The following FAM13A variants were observed in gnomAD, a reference collection of about 807,000 sequenced individuals.
FAM13A encodes the protein family with sequence similarity 13 member A, also known as protein FAM13A.
Under a neutral mutation model 129.6 loss-of-function variants are expected in FAM13A, and 76 were observed. That is an observed-to-expected ratio of 0.59 (90% confidence interval 0.49 to 0.71). The LOEUF (loss-of-function observed/expected upper bound fraction) is 0.71. Ranked by LOEUF, FAM13A falls within the 30% of genes least tolerant of loss-of-function variation. FAM13A has a pLI of 0.00. For synonymous variants in FAM13A, 443 were observed against 449.9 expected (o/e 0.98, Z 0.20); for missense variants, 1,108 against 1,249.3 (o/e 0.89, Z 1.70).
At chr4:89,027,650 T>C (rs1375653832) in intron 2 of FAM13A, among the ~76,000 whole-genome samples, 1 of 152,182 alleles carries the variant, frequency 6.6e-6, no homozygotes, top group Non-Finnish European at 1.5e-5. Context: ...AAGCACTTCA[T>C]GGCTTCTCTT....
chr4:88,854,015 A>C (rs906936449), intron 6 of FAM13A, among the ~76,000 whole-genome samples: 12 of 152,026 alleles, frequency 7.9e-5, no homozygotes, highest in African/African-American at 2.7e-4. Flanking sequence ...CGGCTTCCCT[A>C]CTTTTGAGGT....
intron 4 of FAM13A, among the ~76,000 whole-genome samples, chr4:88,940,034 C>G (rs1754497582): frequency 6.6e-6 from 1 of 152,158 alleles, no homozygotes. Context: ...ATTCCTGACC[C>G]CTAGAAATTG....
rs200435175 is a variant in FAM13A, at chr4:88,732,002, A to G, written c.2843T>C (p.Ile948Thr). 22 of 1,607,800 alleles carry G rather than the reference A, an allele frequency of 1.4e-5. No individual in the cohort carries two copies. The African/African-American group carries it at 2.8e-4, about 21-fold the overall frequency. ...CACCACCACCACCAAAATGACATAC[A>G]TTGAGGCAGCATGGAGATTTGAAAG... ...TGLSNLHAAS[I>T]PELLEHLQEM... is the part of the protein sequence containing the mutation. The change falls in exon 22 of 24, where the codon ATA becomes ACA. Residue 948 changes from isoleucine to threonine, a missense_variant and splice_region_variant. Coordinates refer to ENST00000264344, the MANE Select transcript of FAM13A (RefSeq NM_014883.4).
intron 2 of FAM13A, among the ~76,000 whole-genome samples, chr4:89,025,097 G>C (rs1767750515): frequency 6.6e-6 from 1 of 152,082 alleles, no homozygotes; most frequent in African/African-American, 2.4e-5. Context: ...TTGATGGTGT[G>C]AGTGTAAATT....
chr4:88,782,556 A>AT (rs758588650), intron 10 of FAM13A, among the ~76,000 whole-genome samples: 2 of 152,212 alleles, frequency 1.3e-5, no homozygotes, highest in Non-Finnish European at 2.9e-5. Context: ...ATCTAAATTC[A>AT]TATCTTTAGA....
At position 88,889,864 on chromosome 4, in the gene FAM13A, A is replaced by AT. The variant is rs1745056363; in HGVS notation, c.843+16514dup. On this transcript the variant is annotated intron_variant, in intron 6 of 23. Transcript: ENST00000264344. ...TGTGAAAGAACCGAGAAATACACTG[A>AT]TTTTGAACATAGCCCATACTATAAT... 1.1e-4 allele frequency among the ~76,000 whole-genome samples: 17 copies of AT among 152,316 alleles called. No homozygotes were observed. In the South Asian group the frequency reaches 3.5e-3, roughly 32 times the overall value.
At position 88,947,811 on chromosome 4, in the gene FAM13A, A is replaced by C. The variant is rs554526801; in HGVS notation, c.606-9570T>G. Reference sequence around the variant, plus strand: ...AGATCTTTACAGTAAATTTGTTACAATTTTGTGTTTTGATGAGTAAAGTTG... The same window carrying C: ...AGATCTTTACAGTAAATTTGTTACACTTTTGTGTTTTGATGAGTAAAGTTG... On this transcript the variant is annotated intron_variant, in intron 4 of 23. Transcript: ENST00000264344. Among the ~76,000 whole-genome samples, 26 of 151,512 alleles carry C rather than the reference A, an allele frequency of 1.7e-4. No homozygotes were observed. The South Asian group carries it at 4.2e-3, about 24-fold the overall frequency.
chr4:88,749,010 G>A lies in FAM13A; in HGVS notation c.2103C>T (p.Ala701=), dbSNP rs766288609. Residue 701 remains alanine (A), a synonymous_variant, in exon 17 of 24, where the codon GCC becomes GCT. Transcript: ENST00000264344. The part of the protein sequence containing the change: ...KYRPSHSDKA[A]NPEVLKWTND... ...TTGTCCATTTCAGAACCTCCGGATT[G>A]GCTGCTTTGTCACTGTGGGAAGGCT... 1.9e-6 allele frequency: 3 copies of A among 1,613,582 alleles called. No individual in the cohort carries two copies. The highest frequency in any genetic ancestry group is 2.5e-6 in the Non-Finnish European group (3 of 1,179,614).
At chr4:89,056,574 C>T (rs1487498549) in intron 1 of FAM13A, among the ~76,000 whole-genome samples, 2 of 152,142 alleles carry the variant, frequency 1.3e-5, no homozygotes, top group Non-Finnish European at 2.9e-5. Context: ...TACTTCAATT[C>T]CTCCTCAAGC....
chr4:88,838,688 C>T (rs568930718), intron 7 of FAM13A, among the ~76,000 whole-genome samples: 9 of 151,560 alleles, frequency 5.9e-5, no homozygotes, highest in African/African-American at 1.9e-4. Context: ...GATTGTGCCG[C>T]TGCACTCCAG....
intron 3 of FAM13A, among the ~76,000 whole-genome samples, chr4:88,993,800 A>C (rs138699184): frequency 0.014 from 2,187 of 152,204 alleles, 67 homozygotes; most frequent in African/African-American, 0.05. Flanking sequence ...GGAGTTCAAG[A>C]CCAGCCTGAC....
At chr4:88,907,711 A>G (rs536901847) in intron 5 of FAM13A, among the ~76,000 whole-genome samples, 14 of 152,210 alleles carry the variant, frequency 9.2e-5, no homozygotes, top group Non-Finnish European at 1.9e-4. Flanking sequence ...GTCACACAGG[A>G]CTCAAAGATT....
At chr4:88,855,528 C>G (rs993552292) in intron 6 of FAM13A, 2 of 151,908 alleles carry the variant, frequency 1.3e-5, no homozygotes, top group Admixed American at 1.3e-4. Flanking sequence ...ACAGTATGAG[C>G]TAGTTTAGCA....
intron 5 of FAM13A, among the ~76,000 whole-genome samples, chr4:88,931,843 T>TA (rs1056432071): frequency 6.6e-5 from 10 of 152,200 alleles, no homozygotes; most frequent in Admixed American, 5.9e-4. Context: ...TGATAACATA[T>TA]AGATTTTGGT....
chr4:88,950,852 C>G (rs1227867417), intron 4 of FAM13A, among the ~76,000 whole-genome samples: 1 of 152,126 alleles, frequency 6.6e-6, no homozygotes, highest in African/African-American at 2.4e-5. Context: ...GGTGGCCAAC[C>G]TGGAAGAGTT....
Position 88,938,186 on chromosome 4 carries a change from C to T in FAM13A, c.661G>A (p.Ala221Thr), listed in dbSNP as rs1445058013. The change falls in exon 5 of 24, where the codon GCT becomes ACT. Residue 221 changes from alanine (A) to threonine (T), a missense_variant. Ala to Thr is a moderately conservative substitution (Grantham distance 58). Transcript: ENST00000264344. ...GTATTGTAATTTTCTAGAATTTTAG[C>T]CATTATCTTGTTGCACAGGTCCTGT... ...KEQDLCNKIM[A>T]KILENYNTLF... 6.2e-7 allele frequency: 1 copy of T among 1,613,034 alleles called. No homozygotes were observed. The highest frequency in any genetic ancestry group is 1.3e-5 in the African/African-American group (1 of 74,830).
intron 4 of FAM13A, among the ~76,000 whole-genome samples, chr4:88,982,918 G>C (rs1393799923): frequency 2.0e-5 from 3 of 152,112 alleles, no homozygotes; most frequent in Admixed American, 6.6e-5. Context: ...TCATGGCTAA[G>C]TCCTTCTTCT....
chr4:89,012,252 A>G (rs906172691), intron 3 of FAM13A, among the ~76,000 whole-genome samples: 3 of 152,210 alleles, frequency 2.0e-5, no homozygotes, highest in African/African-American at 7.2e-5. Context: ...CCCTACCAAC[A>G]TAAGGATAAA....
At chr4:88,819,757 A>G (rs901853407) in intron 7 of FAM13A, among the ~76,000 whole-genome samples, 5 of 152,196 alleles carry the variant, frequency 3.3e-5, no homozygotes, top group Admixed American at 6.5e-5. Flanking sequence ...GAATATCCAT[A>G]TAAGTTGATA....
Sources: allele counts gnomAD v4.1 joint callset (sites outside exome capture counted in the v4.1 genomes callset), GRCh38; gene constraint gnomAD v4.1.1; transcripts MANE v1.5; gene names NCBI Gene and HGNC (gene_info 2026-07-23, HGNC 2026-07-21).